The following SOX6 variants were observed in gnomAD, a reference collection of about 807,000 sequenced individuals.
The protein encoded by SOX6 is SRY-box transcription factor 6.
Under a neutral mutation model 97.8 loss-of-function variants are expected in SOX6, and 11 were observed. The ratio of observed to expected loss-of-function variants is 0.11; its 90% CI spans 0.07 to 0.19. The LOEUF is 0.19. SOX6 is among the 10% of genes least tolerant of loss of function. The pLI, the probability that SOX6 is intolerant of heterozygous loss-of-function variation, is 1.00. For synonymous variants in SOX6, 360 were observed against 371.4 expected, an observed-to-expected ratio of 0.97 and a Z score of 0.35; for missense variants, 810 against 1,039.5, an observed-to-expected ratio of 0.78 and a Z score of 3.04.
chr11:16,090,419 A>G (rs900940375), intron 9 of SOX6, among the ~76,000 whole-genome samples: 3 of 152,088 alleles, frequency 2.0e-5, no homozygotes, highest in African/African-American at 7.2e-5. Flanking sequence ...GAGGGTGGGT[A>G]TAAACTTCTG....
chr11:16,281,241 A>T (rs1202992853), intron 3 of SOX6, among the ~76,000 whole-genome samples: 1 of 152,010 alleles, frequency 6.6e-6, no homozygotes, highest in African/African-American at 2.4e-5. Context: ...TAGCTTTTCA[A>T]ATTGCTTTTG....
chr11:16,370,146 A>T (rs1857463539), intron 1 of SOX6, among the ~76,000 whole-genome samples: 1 of 152,064 alleles, frequency 6.6e-6, no homozygotes. Context: ...CCCCAATCAC[A>T]AGCTTTTCCA....
intron 3 of SOX6, among the ~76,000 whole-genome samples, chr11:16,246,239 T>C (rs544225211): frequency 6.6e-6 from 1 of 151,778 alleles, no homozygotes; most frequent in Admixed American, 6.6e-5. Context: ...TTAAACCTCA[T>C]TATACATGGT....
rs184430876 is a variant in SOX6 at position 16,409,966 on chromosome 11, C to T, written c.-5+66349G>A. Among the ~76,000 whole-genome samples, 3 of 152,092 alleles carry T rather than the reference C, an allele frequency of 2.0e-5. No individual in the cohort carries two copies. In the South Asian group the frequency reaches 6.2e-4, roughly 31 times the overall value. On this transcript the variant is annotated intron_variant, in intron 1 of 15. Coordinates refer to the SOX6 transcript ENST00000396356. ...ATATGTGGAATCTAAAACAACTGAA[C>T]TCAATAGAAGCGGAGAGCAGTAGGT...
chr11:16,465,615 G>T (rs143630229), intron 1 of SOX6: 107 of 152,296 alleles, frequency 7.0e-4, no homozygotes, highest in African/African-American at 2.5e-3. Context: ...TTATAGGAGT[G>T]GAGACTTGGG....
chr11:16,579,936 C>T (rs943676609), intron 4 of SOX6, among the ~76,000 whole-genome samples: 1 of 152,074 alleles, frequency 6.6e-6, no homozygotes, highest in South Asian at 2.1e-4. Context: ...ATTATTTACC[C>T]TCACCAACAC....
At chr11:16,496,317 TA>T (rs35080645) in intron 4 of SOX6, among the ~76,000 whole-genome samples, 115,789 of 147,402 alleles carry the variant, frequency 0.79, 45,627 homozygotes, top group Middle Eastern at 0.86. Flanking sequence ...GAACATGGAT[TA>T]AAAAAAAAAA....
intron 2 of SOX6, among the ~76,000 whole-genome samples, chr11:16,331,865 C>T (rs976918603): frequency 6.6e-6 from 1 of 152,164 alleles, no homozygotes; most frequent in Admixed American, 6.5e-5. Context: ...ATGCAACATA[C>T]AACCTTGGAC....
At chr11:16,000,524 T>C (rs775365725) in intron 13 of SOX6, among the ~76,000 whole-genome samples, 2 of 152,360 alleles carry the variant, frequency 1.3e-5, no homozygotes, top group Middle Eastern at 3.4e-3. Flanking sequence ...GAATTACCTG[T>C]GGTACTTTAA....
intron 6 of SOX6, among the ~76,000 whole-genome samples, chr11:16,174,100 T>C (rs963714525): frequency 6.6e-5 from 10 of 151,438 alleles, no homozygotes; most frequent in Non-Finnish European, 1.2e-4. Flanking sequence ...AAATGGGCTT[T>C]GCTATTAGAT....
chr11:16,426,345 C>A (rs1230727221), intron 1 of SOX6, among the ~76,000 whole-genome samples: 1 of 145,698 alleles, frequency 6.9e-6, no homozygotes, highest in African/African-American at 2.5e-5. Flanking sequence ...GCCTGAATAG[C>A]CAGAGCAATC....
chr11:16,649,718 A>G (rs566504497), intron 3 of SOX6, among the ~76,000 whole-genome samples: 3 of 143,574 alleles, frequency 2.1e-5, no homozygotes, highest in South Asian at 4.2e-4. Context: ...AACACAACAG[A>G]AAAAAAAAAG....
chr11:16,603,810 GAAGAA>G (rs1246952401), intron 4 of SOX6, among the ~76,000 whole-genome samples: 2 of 152,094 alleles, frequency 1.3e-5, no homozygotes, highest in Non-Finnish European at 2.9e-5. Flanking sequence ...AATAGGAAGA[GAAGAA>G]AAGAAAAGAT....
chr11:16,310,313 C>CA (rs1009205115), intron 3 of SOX6, among the ~76,000 whole-genome samples: 79 of 149,174 alleles, frequency 5.3e-4, no homozygotes, highest in Non-Finnish European at 6.0e-4. Context: ...AGACCAGTTT[C>CA]AAAAAAAAAT....
chr11:16,369,813 A>G (rs1857454845), intron 1 of SOX6, among the ~76,000 whole-genome samples: 1 of 152,152 alleles, frequency 6.6e-6, no homozygotes, highest in African/African-American at 2.4e-5. Context: ...CCCAGACTTC[A>G]TTGCCAGCTG....
At chr11:16,583,610 T>TATAC (rs1286524124) in intron 4 of SOX6, among the ~76,000 whole-genome samples, 5 of 40,550 alleles carry the variant, frequency 1.2e-4, no homozygotes, top group African/African-American at 4.3e-4. Context: ...TGTGTATATA[T>TATAC]ATACATATAT....
intron 4 of SOX6, among the ~76,000 whole-genome samples, chr11:16,221,740 A>G (rs1014937845): frequency 5.3e-5 from 8 of 152,106 alleles, no homozygotes; most frequent in African/African-American, 1.9e-4. Context: ...ACTTTTAAAG[A>G]CTTTTCTGAT....
chr11:16,618,921 T>G (rs1447638617), intron 3 of SOX6, among the ~76,000 whole-genome samples: 1 of 152,044 alleles, frequency 6.6e-6, no homozygotes, highest in Non-Finnish European at 1.5e-5. Context: ...TACAATATAC[T>G]CATAATGCAC....
At position 16,030,770 on chromosome 11, in the gene SOX6, AC is replaced by A. The variant is rs547742222; in HGVS notation, c.1624-15721del. Among the ~76,000 whole-genome samples the A allele has an allele frequency of 6.6e-5, 10 of 152,164 alleles. No individual in the cohort carries two copies. In the East Asian group the frequency reaches 1.9e-3, roughly 30 times the overall value. On this transcript the variant is annotated intron_variant, in intron 12 of 15. Transcript: ENST00000683767. Reference sequence around the variant, plus strand: ...TTGAAATAGACTTCACTTCCTTTCTACACCCTCTCCTTCTCACCACCACCCA... The same window carrying A: ...TTGAAATAGACTTCACTTCCTTTCTAACCCTCTCCTTCTCACCACCACCCA...
Sources: gnomAD v4.1 joint callset for allele counts (sites outside exome capture counted in the v4.1 genomes callset) on GRCh38, gnomAD v4.1.1 for gene constraint, MANE v1.5 for transcripts, NCBI Gene and HGNC (gene_info 2026-07-23, HGNC 2026-07-21) for gene names.